Variants in TXLNG observed in about 807,000 individuals in gnomAD.
The protein encoded by TXLNG is gamma-taxilin.
A neutral mutation model predicts 38.8 loss-of-function variants in TXLNG; 5 were observed. That is an observed-to-expected ratio of 0.13 (90% confidence interval 0.07 to 0.27). TXLNG has a LOEUF of 0.27. Among genes scored for constraint, TXLNG ranks in the 10% least tolerant of loss-of-function variants. The pLI is 1.00. For missense variants in TXLNG, 393 were observed against 398.2 expected (o/e 0.99, Z 0.11); for synonymous variants, 182 against 158.2 (o/e 1.15, Z -1.13).
At chrX:16,814,928 C>T (rs1249885382) in intron 1 of TXLNG, among the ~76,000 whole-genome samples, 3 of 111,849 alleles carry the variant, frequency 2.7e-5, no homozygotes, top group Admixed American at 9.5e-5. Context: ...CAAAATAAAT[C>T]GCTAATGGAA....
chrX:16,816,130 G>A (rs1313965400), intron 1 of TXLNG, among the ~76,000 whole-genome samples: 1 of 107,149 alleles, frequency 9.3e-6, no homozygotes, highest in Non-Finnish European at 1.9e-5. Context: ...GCAGTGGCGC[G>A]ATATCGGCTC....
chrX:16,820,327 T>A, intron 3 of TXLNG, 72 bp downstream of exon 3: 1 of 831,658 alleles, frequency 1.2e-6, no homozygotes, highest in Non-Finnish European at 1.7e-6. Flanking sequence ...ATAAGTTTCT[T>A]AAAGTACAAA....
chrX:16,789,727 GT>G (rs1213786686), intron 1 of TXLNG, among the ~76,000 whole-genome samples: 2 of 107,893 alleles, frequency 1.9e-5, no homozygotes, highest in African/African-American at 6.8e-5. Flanking sequence ...ATGGTTTTTA[GT>G]TTTACAGAAA....
In TXLNG at chrX:16,842,882, C is replaced by A. The variant is rs1002453572; in HGVS notation, c.*1116C>A. 1.8e-5 allele frequency: 2 copies of A among 112,062 alleles called. No homozygotes were observed. The highest frequency in any genetic ancestry group is 3.2e-5 in the African/African-American group (1 of 30,795). The allele number at this position is 112,062 out of a possible 1,213,427, so 9.2% of individuals were successfully genotyped here. A position where few individuals can be genotyped will look rare whatever the true frequency, so the allele number is the denominator to read the frequency against. ...CTTACGTGTTCAGTCTGTTTTCTCACCCCCTTCTTAGTTACCATCTCTTTT... is the reference window on the plus strand; with the variant it reads ...CTTACGTGTTCAGTCTGTTTTCTCAACCCCTTCTTAGTTACCATCTCTTTT... On this transcript the variant is annotated 3_prime_UTR_variant, in exon 10 of 10. Coordinates refer to ENST00000380122, the MANE Select transcript of TXLNG (RefSeq NM_018360.3).
chrX:16,836,624 G>A (rs1417619849), intron 7 of TXLNG, among the ~76,000 whole-genome samples: 1 of 112,362 alleles, frequency 8.9e-6, no homozygotes, highest in African/African-American at 3.2e-5. Flanking sequence ...GGCTGTGGCT[G>A]GGCGGGCACC....
intron 5 of TXLNG, among the ~76,000 whole-genome samples, chrX:16,829,984 C>G (rs4828532): frequency 9.0e-6 from 1 of 111,206 alleles, no homozygotes; most frequent in Non-Finnish European, 1.9e-5. Flanking sequence ...GAGGTTATTT[C>G]TAGGAGACCC....
chrX:16,818,144 A>C lies in TXLNG; in HGVS notation c.103-430A>C, dbSNP rs373315815. Among the ~76,000 whole-genome samples the C allele has an allele frequency of 2.7e-5, 3 of 110,943 alleles. No homozygotes were observed. In the East Asian group the frequency reaches 8.5e-4, roughly 32 times the overall value. ...GCTGGGCACTTGTCTCATAGTGCCA[A>C]CTCCACAGGAACTTGGGGGAGCATG... On this transcript the variant is annotated intron_variant, in intron 1 of 9. Coordinates refer to ENST00000380122, the MANE Select transcript of TXLNG (RefSeq NM_018360.3).
chrX:16,841,109 C>G (rs1375297169), intron 9 of TXLNG, among the ~76,000 whole-genome samples: 1 of 109,002 alleles, frequency 9.2e-6, no homozygotes, highest in Non-Finnish European at 1.9e-5. Flanking sequence ...GCAGGAGAAT[C>G]ACCTCAACCC....
rs1336959989 is a variant in TXLNG at position 16,800,523 on chromosome X, C to T, written c.102+13934C>T. ...TCAGCCTCCCAAAGTGCTGGAATTA[C>T]AGGCGTAAGCCACCGAGCCAGGCCT... On this transcript the variant is annotated intron_variant, in intron 1 of 9. Coordinates refer to ENST00000380122, the MANE Select transcript of TXLNG (RefSeq NM_018360.3). 4.7e-5 allele frequency among the ~76,000 whole-genome samples: 5 copies of T among 107,029 alleles called. No individual in the cohort carries two copies. The East Asian group carries it at 8.8e-4, about 19-fold the overall frequency. The allele number at this position is 107,029 out of a possible 115,157, so 92.9% of individuals were successfully genotyped here.
At chrX:16,793,029 G>A (rs1014480722) in intron 1 of TXLNG, among the ~76,000 whole-genome samples, 3 of 108,585 alleles carry the variant, frequency 2.8e-5, no homozygotes, top group African/African-American at 6.7e-5. Context: ...CTTGGGAGGC[G>A]GATGTTGCTG....
chrX:16,799,007 G>A (rs1402443556), intron 1 of TXLNG, among the ~76,000 whole-genome samples: 1 of 110,475 alleles, frequency 9.1e-6, no homozygotes, highest in Non-Finnish European at 1.9e-5. Context: ...AGCCTCCCGA[G>A]TAGCTGGGAT....
chrX:16,823,407 G>T (rs1035265914), intron 3 of TXLNG, among the ~76,000 whole-genome samples: 13 of 94,246 alleles, frequency 1.4e-4, no homozygotes, highest in Non-Finnish European at 2.6e-4. Context: ...GTGGTGAGCC[G>T]AGATCGTGCC....
intron 3 of TXLNG, among the ~76,000 whole-genome samples, chrX:16,825,274 A>G (rs1316168542): frequency 8.9e-6 from 1 of 112,276 alleles, no homozygotes; most frequent in South Asian, 3.7e-4. Context: ...ATGTGGATCT[A>G]CGTGGTCTCT....
At position 16,793,853 on chromosome X, in the gene TXLNG, C is replaced by T. The variant is rs776543711; in HGVS notation, c.102+7264C>T. Among the ~76,000 whole-genome samples the T allele has an allele frequency of 1.6e-4, 18 of 109,563 alleles. No individual in the cohort carries two copies. The East Asian group carries it at 2.0e-3, about 12-fold the overall frequency. On this transcript the variant is annotated intron_variant, in intron 1 of 9. Transcript: ENST00000380122. ...TGAGAGACAGGGTCTTCCTATGTTGCGCAGGCTGGTCTTAAACTCTTAGGC... is the reference window on the plus strand; with the variant it reads ...TGAGAGACAGGGTCTTCCTATGTTGTGCAGGCTGGTCTTAAACTCTTAGGC...
At chrX:16,832,466 C>G (rs1441043001) in intron 5 of TXLNG, among the ~76,000 whole-genome samples, 157 bp from the exon 6 acceptor site, 1 of 111,817 alleles carries the variant, frequency 8.9e-6, no homozygotes, top group African/African-American at 3.3e-5. Context: ...CTTCTCTCAG[C>G]GGAGTATACA....
chrX:16,812,768 C>A (rs1928577665), intron 1 of TXLNG, among the ~76,000 whole-genome samples: 1 of 83,356 alleles, frequency 1.2e-5, no homozygotes, highest in Non-Finnish European at 2.2e-5. Context: ...ATGGTGTGAT[C>A]TCGGCTCACC....
chrX:16,834,147 T>C, intron 6 of TXLNG, 136 bp from the exon 7 acceptor site: 1 of 455,476 alleles, frequency 2.2e-6, no homozygotes, highest in Non-Finnish European at 3.7e-6. Context: ...AATGGCAATT[T>C]GTGGAACAGA....
At position 16,829,609 on chromosome X, in the gene TXLNG, G is replaced by C. The variant is rs764421773; in HGVS notation, c.703G>C (p.Glu235Gln). 1.7e-6 allele frequency: 2 copies of C among 1,211,477 alleles called. No homozygotes were observed. The highest frequency in any genetic ancestry group is 1.8e-5 in the South Asian group (1 of 56,933). ...ENMQQAREEE[E>Q]RRKEATAHFQ... Reference sequence around the variant, plus strand: ...TATGCAGCAGGCACGAGAGGAAGAAGAACGACGTAAAGAAGCAACTGCACA... The same window carrying C: ...TATGCAGCAGGCACGAGAGGAAGAACAACGACGTAAAGAAGCAACTGCACA... The change falls in exon 5 of 10, where the codon GAA (glutamate) becomes CAA (glutamine). Residue 235 changes from glutamate to glutamine, a missense_variant. By Grantham distance (29) the Glu-to-Gln change is conservative. Coordinates refer to ENST00000380122, the MANE Select transcript of TXLNG (RefSeq NM_018360.3).
At chrX:16,827,591 C>G (rs1056116601) in intron 3 of TXLNG, among the ~76,000 whole-genome samples, 21 of 111,455 alleles carry the variant, frequency 1.9e-4, no homozygotes, top group African/African-American at 6.5e-4. Context: ...GGGTTGAAAG[C>G]AGGGAGAAGA....
Sources: gnomAD v4.1 joint callset for allele counts (sites outside exome capture counted in the v4.1 genomes callset) on GRCh38, gnomAD v4.1.1 for gene constraint, MANE v1.5 for transcripts, NCBI Gene and HGNC (gene_info 2026-07-23, HGNC 2026-07-21) for gene names.